Variants in SLC25A33 observed in about 807,000 individuals in gnomAD.
SLC25A33 encodes bone marrow stromal cell mitochondrial carrier protein.
SLC25A33 carries 15 observed loss-of-function variants against 35.5 expected under a neutral mutation model. That is an observed-to-expected ratio of 0.42 (90% confidence interval 0.28 to 0.65). The LOEUF is 0.65. Ranked by LOEUF, SLC25A33 falls within the 30% of genes least tolerant of loss-of-function variation. The pLI is 0.20. For synonymous variants in SLC25A33, 136 were observed against 148.7 expected (o/e 0.91, Z 0.62); for missense variants, 257 against 398.5 (o/e 0.64, Z 3.02).
chr1:9,539,585 G>GC lies in SLC25A33; in HGVS notation c.-102dup. ...CGCGCGCATGGAGGCGTTGCCGGCA[G>GC]CCCCCTGAGGGCAGCGGGGAGACAA... On this transcript the variant is annotated 5_prime_UTR_variant, in exon 1 of 7. An upstream open reading frame in the 5' UTR loses its in-frame stop. Transcript: ENST00000302692. 2.4e-6 allele frequency: 2 copies of GC among 849,988 alleles called. No homozygotes were observed. The highest frequency in any genetic ancestry group is 3.9e-5 in the South Asian group (1 of 25,604). 52.7% of individuals were successfully genotyped at this position (849,988 alleles called of 1,614,324 possible). A position where few individuals can be genotyped will look rare whatever the true frequency, so the allele number is the denominator to read the frequency against.
chr1:9,568,523 A>C (rs1321488126), intron 3 of SLC25A33, among the ~76,000 whole-genome samples: 1 of 152,084 alleles, frequency 6.6e-6, no homozygotes, highest in East Asian at 1.9e-4. Context: ...GCAGGGCAGG[A>C]CACTTAACTT....
chr1:9,551,873 GT>G (rs1260958644), intron 1 of SLC25A33, among the ~76,000 whole-genome samples: 1 of 152,178 alleles, frequency 6.6e-6, no homozygotes, highest in Admixed American at 6.6e-5. Context: ...ATAGAGCGAT[GT>G]TTTCCAGAGT....
chr1:9,547,695 C>T (rs1322417095), intron 1 of SLC25A33, among the ~76,000 whole-genome samples: 1 of 151,988 alleles, frequency 6.6e-6, no homozygotes, highest in African/African-American at 2.4e-5. Context: ...ATATGAGTAA[C>T]CCCCCTCCCC....
Position 9,575,505 on chromosome 1 carries a change from C to G in SLC25A33, c.482+2093C>G, listed in dbSNP as rs1643651465. Among the ~76,000 whole-genome samples, 2 of 151,924 alleles carry G rather than the reference C, an allele frequency of 1.3e-5. 1 individual carries two copies. The highest frequency in any genetic ancestry group is 4.2e-4 in the South Asian group (2 of 4,806). On this transcript the variant is annotated intron_variant, in intron 5 of 6. Transcript: ENST00000302692. ...TGGTGGGCGCCTGTAATCCTAGCTACTTAGTAGAGTGAGGCAGGAGAATCA... is the reference window on the plus strand; with the variant it reads ...TGGTGGGCGCCTGTAATCCTAGCTAGTTAGTAGAGTGAGGCAGGAGAATCA...
chr1:9,551,831 C>T (rs1643270738), intron 1 of SLC25A33, among the ~76,000 whole-genome samples: 1 of 152,100 alleles, frequency 6.6e-6, no homozygotes, highest in South Asian at 2.1e-4. Context: ...AAGTAAGGCC[C>T]CAGGTCTGAA....
At chr1:9,563,966 T>A (rs531042755) in intron 2 of SLC25A33, among the ~76,000 whole-genome samples, 1 of 152,320 alleles carries the variant, frequency 6.6e-6, no homozygotes, top group Non-Finnish European at 1.5e-5. Flanking sequence ...GCCATTCTAT[T>A]AACTTTTGAC....
chr1:9,555,866 G>C (rs878856296), intron 2 of SLC25A33, among the ~76,000 whole-genome samples: 5 of 152,158 alleles, frequency 3.3e-5, no homozygotes, highest in Non-Finnish European at 7.3e-5. Flanking sequence ...TGTATTTTTG[G>C]TAGAGACAGA....
At chr1:9,553,552 G>C in intron 1 of SLC25A33, 74 bp from the exon 2 acceptor site, 2 of 1,550,938 alleles carry the variant, frequency 1.3e-6, no homozygotes, top group Non-Finnish European at 1.8e-6. Context: ...TTTAAAGAGA[G>C]AAAAGCTAAG....
In SLC25A33 at chr1:9,539,766, C is replaced by A; in HGVS notation, c.56+19C>A. On this transcript the variant is annotated intron_variant, in intron 1 of 6. Transcript: ENST00000302692. Reference sequence around the variant, plus strand: ...CCGGCGGGTGAGTTCCCGGGCCCAGCCGCGCGCGCCCCACCGCCTGCGGTC... The same window carrying A: ...CCGGCGGGTGAGTTCCCGGGCCCAGACGCGCGCGCCCCACCGCCTGCGGTC... 2.2e-6 allele frequency: 3 copies of A among 1,359,554 alleles called. No individual in the cohort carries two copies. Among genetic ancestry groups the A allele is most frequent in the South Asian group, 1.7e-5 (1 of 59,260 alleles). 84.2% of individuals were successfully genotyped at this position (1,359,554 alleles called of 1,614,324 possible).
chr1:9,540,443 T>C (rs1464498635), intron 1 of SLC25A33, among the ~76,000 whole-genome samples: 1 of 152,066 alleles, frequency 6.6e-6, no homozygotes, highest in Non-Finnish European at 1.5e-5. Context: ...GTCAGGCACC[T>C]TTTTTCCAGC....
chr1:9,556,675 C>CTGTGTTTGTG (rs1334964137), intron 2 of SLC25A33, among the ~76,000 whole-genome samples: 1 of 149,310 alleles, frequency 6.7e-6, no homozygotes, highest in East Asian at 2.0e-4. Flanking sequence ...GTGTGTGTGT[C>CTGTGTTTGTG]TGTGTCTGTG....
intron 2 of SLC25A33, among the ~76,000 whole-genome samples, chr1:9,563,106 A>G (rs1293962545): frequency 2.0e-5 from 3 of 151,496 alleles, no homozygotes; most frequent in Non-Finnish European, 4.4e-5. Context: ...TTGTATTTTT[A>G]GTAGAGATGG....
chr1:9,548,652 T>C (rs893901593), intron 1 of SLC25A33, among the ~76,000 whole-genome samples: 3 of 152,238 alleles, frequency 2.0e-5, no homozygotes, highest in Non-Finnish European at 4.4e-5. Flanking sequence ...TATTTCTTTC[T>C]GTATGCCAGT....
chr1:9,571,093 C>T (rs1455227424), intron 4 of SLC25A33, among the ~76,000 whole-genome samples: 2 of 152,146 alleles, frequency 1.3e-5, no homozygotes, highest in Admixed American at 6.5e-5. Flanking sequence ...ACAATTGGCA[C>T]TCCTGTCCCC....
At position 9,582,368 on chromosome 1, in the gene SLC25A33, T is replaced by C; in HGVS notation, c.833T>C (p.Val278Ala). The C allele has an allele frequency of 1.2e-6, 2 of 1,613,966 alleles. No individual in the cohort carries two copies. The highest frequency in any genetic ancestry group is 8.5e-7 in the Non-Finnish European group (1 of 1,179,866). ...TCTTTTGTCCAGACGGCGCGCCTGG[T>C]GTTCCGGGAAGAAGGCTACCTTGCC... ...YKSFVQTARL[V>A]FREEGYLAFY... The change falls in exon 7 of 7, where the codon GTG becomes GCG. Residue 278 changes from valine to alanine, a missense_variant. Val to Ala is a moderately conservative substitution (Grantham distance 64). Coordinates refer to ENST00000302692, the MANE Select transcript of SLC25A33 (RefSeq NM_032315.3). The surrounding 1 kb of genome is among the most constrained non-coding windows in gnomAD (Gnocchi z 4.0).
intron 3 of SLC25A33, 63 bp downstream of exon 3, chr1:9,567,424 C>A: frequency 6.9e-7 from 1 of 1,451,050 alleles, no homozygotes; most frequent in Admixed American, 1.8e-5. Context: ...TCCTTTCTTA[C>A]CAAAGGGTGA....
rs1410185869 is a variant in SLC25A33 at position 9,582,095 on chromosome 1, G to A, written c.764-204G>A. 6.6e-6 allele frequency among the ~76,000 whole-genome samples: 1 copy of A among 152,006 alleles called. No homozygotes were observed. The highest frequency in any genetic ancestry group is 2.4e-5 in the African/African-American group (1 of 41,378). On this transcript the variant is annotated intron_variant, in intron 6 of 6. Transcript: ENST00000302692. The surrounding 1 kb of genome is among the most constrained non-coding windows in gnomAD (Gnocchi z 4.0). ...TTGCCTGGCTAATTTTTGTTTTTCA[G>A]TAGAGACGGGGTTTCACCATGTTGG...
At chr1:9,555,658 C>G (rs373039211) in intron 2 of SLC25A33, among the ~76,000 whole-genome samples, 14 of 151,958 alleles carry the variant, frequency 9.2e-5, no homozygotes, top group African/African-American at 3.4e-4. Context: ...GTCCAAGACT[C>G]CAGGAGAAAT....
chr1:9,566,113 C>T (rs1643500450), intron 2 of SLC25A33, among the ~76,000 whole-genome samples: 1 of 151,944 alleles, frequency 6.6e-6, no homozygotes, highest in African/African-American at 2.4e-5. Context: ...GATCATGGCT[C>T]ACTGCAGCCT....
Sources: allele counts gnomAD v4.1 joint callset (sites outside exome capture counted in the v4.1 genomes callset), GRCh38; gene constraint gnomAD v4.1.1; non-coding constraint Gnocchi (gnomAD v3.1); transcripts MANE v1.5; gene names NCBI Gene and HGNC (gene_info 2026-07-23, HGNC 2026-07-21).